The following DIAPH3 variants were observed in gnomAD, a reference collection of about 807,000 sequenced individuals.
The protein encoded by DIAPH3 is protein diaphanous homolog 3.
DIAPH3 carries 117 observed loss-of-function variants against 144.3 expected under a neutral mutation model. That is an observed-to-expected ratio of 0.81 (90% CI 0.70 to 0.95). The LOEUF is 0.95. Among genes scored for constraint, DIAPH3 ranks in the 40% least tolerant of loss-of-function variants. The probability of loss-of-function intolerance (pLI) is 0.00; values close to 1 mark genes in which losing one functional copy is unlikely to be tolerated. For synonymous variants in DIAPH3, 519 were observed against 488.9 expected (o/e 1.06, Z -0.81); for missense variants, 1,421 against 1,412.7 (o/e 1.01, Z -0.09).
chr13:60,148,101 A>G (rs1951620522), intron 1 of DIAPH3, among the ~76,000 whole-genome samples: 1 of 152,236 alleles, frequency 6.6e-6, no homozygotes, highest in Admixed American at 6.5e-5. Context: ...AAGATCAAGA[A>G]GTTGAAAATA....
At chr13:60,161,066 C>G (rs1952268075) in intron 1 of DIAPH3, among the ~76,000 whole-genome samples, 1 of 152,300 alleles carries the variant, frequency 6.6e-6, no homozygotes, top group East Asian at 1.9e-4. Context: ...GACCAGTCTA[C>G]CACTCCATTC....
At chr13:59,996,569 T>A (rs945022550) in intron 9 of DIAPH3, among the ~76,000 whole-genome samples, 1 of 151,948 alleles carries the variant, frequency 6.6e-6, no homozygotes, top group Non-Finnish European at 1.5e-5. Context: ...AGGACTGACA[T>A]CAGCAAACTC....
In DIAPH3 at chr13:60,149,752, C is replaced by CAAA. The variant is rs35814915; in HGVS notation, c.180+13832_180+13834dup. On this transcript the variant is annotated intron_variant, in intron 1 of 27. Coordinates refer to ENST00000400324, the MANE Select transcript of DIAPH3 (RefSeq NM_001042517.2). ...TGGGTGACAGAGTGAGACACTGTCT[C>CAAA]AAAAAAAAAAAAAAAAAAAGATATA... 8.6e-4 allele frequency among the ~76,000 whole-genome samples: 82 copies of CAAA among 95,240 alleles called. 2 individuals are homozygous for CAAA. Among genetic ancestry groups the CAAA allele is most frequent in the African/African-American group, 2.6e-3 (61 of 23,358 alleles). 62.5% of individuals were successfully genotyped at this position (95,240 alleles called of 152,430 possible). A position where few individuals can be genotyped will look rare whatever the true frequency, so the allele number is the denominator to read the frequency against.
At chr13:59,828,867 C>A (rs907887444) in intron 24 of DIAPH3, among the ~76,000 whole-genome samples, 15 of 151,454 alleles carry the variant, frequency 9.9e-5, no homozygotes, top group Non-Finnish European at 1.3e-4. Context: ...TATCTACAGT[C>A]GATTGTTTAA....
chr13:60,060,337 T>C (rs1368562728), intron 4 of DIAPH3, among the ~76,000 whole-genome samples: 2 of 152,092 alleles, frequency 1.3e-5, no homozygotes, highest in Non-Finnish European at 2.9e-5. Context: ...GGTCTCCGAT[T>C]TCCTCAGTAT....
At chr13:60,161,149 C>A (rs1332929213) in intron 1 of DIAPH3, among the ~76,000 whole-genome samples, 1 of 152,174 alleles carries the variant, frequency 6.6e-6, no homozygotes, top group African/African-American at 2.4e-5. Context: ...CATCACATCA[C>A]CAACCTATAT....
chr13:60,031,207 A>G (rs183125329), intron 5 of DIAPH3, among the ~76,000 whole-genome samples: 15 of 152,226 alleles, frequency 9.9e-5, no homozygotes, highest in East Asian at 9.7e-4. Context: ...GGCCAGAGCC[A>G]GAGTGTGTGT....
At chr13:59,833,657 C>T (rs1022522726) in intron 23 of DIAPH3, among the ~76,000 whole-genome samples, 1 of 151,702 alleles carries the variant, frequency 6.6e-6, no homozygotes, top group Non-Finnish European at 1.5e-5. Flanking sequence ...GCATTAAACA[C>T]AACAGTTAAA....
chr13:59,973,772 C>G (rs1052096838), intron 15 of DIAPH3, among the ~76,000 whole-genome samples: 13 of 152,110 alleles, frequency 8.5e-5, no homozygotes, highest in African/African-American at 3.1e-4. Flanking sequence ...TATTCTACCT[C>G]CTTACTTACA....
chr13:59,866,183 G>T (rs2043912382), intron 21 of DIAPH3, among the ~76,000 whole-genome samples: 2 of 151,916 alleles, frequency 1.3e-5, no homozygotes, highest in African/African-American at 4.8e-5. Flanking sequence ...TACTTACCAT[G>T]AGACAGACAT....
intron 24 of DIAPH3, among the ~76,000 whole-genome samples, chr13:59,822,607 AT>A (rs542171366): frequency 6.6e-6 from 1 of 150,750 alleles, no homozygotes; most frequent in Non-Finnish European, 1.5e-5. Flanking sequence ...TGCCTGGCTA[AT>A]TTTTTTTTGT....
rs574248243 is a variant in DIAPH3 at position 60,004,968 on chromosome 13, G to A, written c.1014+3576C>T. ...CCCGTGACTTCCATAACTACGGAAG[G>A]AAAACATTGCTCTAAGCTCTCCTCC... On this transcript the variant is annotated intron_variant, in intron 9 of 27. Coordinates refer to ENST00000400324, the MANE Select transcript of DIAPH3 (RefSeq NM_001042517.2). 3.7e-4 allele frequency among the ~76,000 whole-genome samples: 56 copies of A among 152,188 alleles called. 1 individual carries two copies. Among genetic ancestry groups the A allele is most frequent in the Non-Finnish European group, 6.5e-4 (44 of 68,004 alleles).
intron 3 of DIAPH3, among the ~76,000 whole-genome samples, chr13:60,100,664 A>C (rs1045323642): frequency 2.0e-5 from 3 of 152,172 alleles, no homozygotes; most frequent in Non-Finnish European, 4.4e-5. Context: ...TTCTTCTATA[A>C]GTCTAAAATT....
At chr13:60,111,954 T>A in intron 3 of DIAPH3, 56 bp downstream of exon 3, 6 of 1,588,158 alleles carry the variant, frequency 3.8e-6, no homozygotes, top group Non-Finnish European at 5.2e-6. Context: ...TCCATTAACA[T>A]GAGCAAAAGC....
intron 25 of DIAPH3, among the ~76,000 whole-genome samples, chr13:59,781,930 C>T (rs2038762012): frequency 6.6e-6 from 1 of 152,074 alleles, no homozygotes; most frequent in Non-Finnish European, 1.5e-5. Flanking sequence ...CACATGAGGA[C>T]ACAGCAGCAA....
intron 27 of DIAPH3, among the ~76,000 whole-genome samples, chr13:59,737,348 T>C (rs1292683976): frequency 6.6e-6 from 1 of 152,176 alleles, no homozygotes; most frequent in Admixed American, 6.6e-5. Flanking sequence ...ATATGAACAG[T>C]TCTGCCTAAT....
At chr13:60,034,879 G>T (rs775912545) in intron 5 of DIAPH3, 2 of 152,046 alleles carry the variant, frequency 1.3e-5, no homozygotes, top group African/African-American at 4.8e-5. Flanking sequence ...AGACATACAT[G>T]AGCTCTCGTA....
At chr13:60,051,817 T>A (rs890493661) in intron 4 of DIAPH3, among the ~76,000 whole-genome samples, 2 of 152,132 alleles carry the variant, frequency 1.3e-5, no homozygotes, top group Admixed American at 6.5e-5. Flanking sequence ...TCTATTCTGA[T>A]TACATCAACA....
intron 22 of DIAPH3, among the ~76,000 whole-genome samples, chr13:59,846,324 T>G (rs2042629224): frequency 6.6e-6 from 1 of 152,150 alleles, no homozygotes. Flanking sequence ...ACACTCACTC[T>G]TACACATCAT....
Sources: gnomAD v4.1 joint callset for allele counts (sites outside exome capture counted in the v4.1 genomes callset) on GRCh38, gnomAD v4.1.1 for gene constraint, MANE v1.5 for transcripts, NCBI Gene and HGNC (gene_info 2026-07-23, HGNC 2026-07-21) for gene names.